APRT: variants seen among roughly 807,000 people sequenced by gnomAD.
The protein encoded by APRT is adenine phosphoribosyltransferase.
APRT carries 25 observed loss-of-function variants against 21.0 expected under a neutral mutation model. That is an observed-to-expected ratio of 1.19 (90% CI 0.87 to 1.66). APRT has a LOEUF of 1.66. Among genes scored for constraint, APRT ranks in the 40% most tolerant of loss-of-function variants. APRT has a pLI of 0.00. For synonymous variants in APRT, 153 were observed against 109.0 expected, an observed-to-expected ratio of 1.40 and a Z score of -2.52; for missense variants, 294 against 232.7, an observed-to-expected ratio of 1.26 and a Z score of -1.72.
In APRT at chr16:88,809,819, T is replaced by G; in HGVS notation, c.422A>C (p.Glu141Ala). 6.2e-7 allele frequency: 1 copy of G among 1,612,546 alleles called. No homozygotes were observed. The highest frequency in any genetic ancestry group is 8.5e-7 in the Non-Finnish European group (1 of 1,179,938). The change falls in exon 5 of 5, where the codon GAG becomes GCG. Residue 141 changes from glutamate (E) to alanine (A), a missense_variant. Physicochemically the swap from Glu to Ala is moderately radical, Grantham distance 107. Transcript: ENST00000378364. The part of the protein sequence containing the change: ...ATGGTMNAAC[E>A]LLGRLQAEVL... ...CTCAGCCTGCAGGCGGCCCAGCAGC[T>G]CACAGGCAGCGTTCATGGTTCCTGG...
At position 88,809,702 on chromosome 16, in the gene APRT, T is replaced by A; in HGVS notation, c.539A>T (p.Glu180Val). 1.1e-5 allele frequency: 17 copies of A among 1,613,372 alleles called. No homozygotes were observed. Among genetic ancestry groups the A allele is most frequent in the Non-Finnish European group, 1.4e-5 (17 of 1,179,984 alleles). The change falls in exon 5 of 5, where the codon GAG becomes GTG. Residue 180 changes from glutamate to valine, a missense_variant. Physicochemically the swap from Glu to Val is moderately radical, Grantham distance 121. Coordinates refer to ENST00000378364, the MANE Select transcript of APRT (RefSeq NM_000485.3). ...PVPFFSLLQYE is the reference protein window; with the variant it reads ...PVPFFSLLQYV Reference sequence around the variant, plus strand: ...TTGGGCTGGGAGGCCCTGTGGTCACTCATACTGCAGGAGAGAGAAGAAGGG... The same window carrying A: ...TTGGGCTGGGAGGCCCTGTGGTCACACATACTGCAGGAGAGAGAAGAAGGG...
At position 88,809,345 on chromosome 16, in the gene APRT, A is replaced by G. The variant is rs2142949955; in HGVS notation, c.*353T>C. The G allele has an allele frequency of 1.1e-5, 5 of 455,294 alleles. No individual in the cohort carries two copies. Among genetic ancestry groups the G allele is most frequent in the South Asian group, 5.0e-5 (3 of 59,950 alleles). 28.2% of individuals were successfully genotyped at this position (455,294 alleles called of 1,614,324 possible). On this transcript the variant is annotated 3_prime_UTR_variant, in exon 5 of 5. Transcript: ENST00000378364. ...AGTGCCTGGAGGGTTCTAGCTCCTG[A>G]GGTGAGAACCAGGACAGGTTCTGCT...
chr16:88,810,154 G>T lies in APRT; in HGVS notation c.322-6C>A, dbSNP rs200019656. ...TTCTGAATCTCCAGCTCAGCCTGGA[G>T]TGGGAAGTGGTGTGTGGTCCTCAGC... On this transcript the variant is annotated splice_polypyrimidine_tract_variant and splice_region_variant and intron_variant, in intron 3 of 4. Coordinates refer to ENST00000378364, the MANE Select transcript of APRT (RefSeq NM_000485.3). The T allele has an allele frequency of 1.9e-6, 3 of 1,612,526 alleles. No individual in the cohort carries two copies. In the African/African-American group the frequency reaches 4.0e-5, roughly 21 times the overall value.
chr16:88,811,901 G>C lies in APRT; in HGVS notation c.-2C>G. The C allele has an allele frequency of 6.5e-7, 1 of 1,548,584 alleles. No homozygotes were observed. The highest frequency in any genetic ancestry group is 8.7e-7 in the Non-Finnish European group (1 of 1,149,410). ...CAGCTGCAGCTCGGAGTCGGCCATG[G>C]CCGCGTGCGAAGAGCCAGCGGCAGC... On this transcript the variant is annotated 5_prime_UTR_variant, in exon 1 of 5. Transcript: ENST00000378364.
rs1182857791 is a variant in APRT, at chr16:88,810,512, C to T, written c.232G>A (p.Glu78Lys). 12 of 1,612,186 alleles carry T rather than the reference C, an allele frequency of 7.4e-6. No homozygotes were observed. Among genetic ancestry groups the T allele is most frequent in the Non-Finnish European group, 1.0e-5 (12 of 1,179,932 alleles). ...ATGAGCACGCAGCCCAGTCCAAGCTCCTGGGCCAGGGAGGGGCCAAAGAGG... is the reference window on the plus strand; with the variant it reads ...ATGAGCACGCAGCCCAGTCCAAGCTTCTGGGCCAGGGAGGGGCCAAAGAGG... ...GFLFGPSLAQELGLGCVLIRK... is the reference protein window; with the variant it reads ...GFLFGPSLAQKLGLGCVLIRK... The change falls in exon 3 of 5, where the codon GAG becomes AAG. Residue 78 changes from glutamate to lysine, a missense_variant. Physicochemically the swap from Glu to Lys is moderately conservative, Grantham distance 56. Coordinates refer to ENST00000378364, the MANE Select transcript of APRT (RefSeq NM_000485.3).
rs553748192 is a variant in APRT at position 88,809,999 on chromosome 16, C to T, written c.400+71G>A. Reference sequence around the variant, plus strand: ...CAACAGTAAGCTGCATCCCATGTCACACAGCGAGGTCCTGTCCCACTCCCA... The same window carrying T: ...CAACAGTAAGCTGCATCCCATGTCATACAGCGAGGTCCTGTCCCACTCCCA... On this transcript the variant is annotated intron_variant, in intron 4 of 4. Transcript: ENST00000378364. The T allele has an allele frequency of 6.8e-4, 1,069 of 1,580,330 alleles. 2 individuals carry two copies. The highest frequency in any genetic ancestry group is 4.5e-4 in the Non-Finnish European group (517 of 1,153,910).
chr16:88,809,487 C>T lies in APRT; in HGVS notation c.*211G>A. The T allele has an allele frequency of 1.3e-6, 1 of 783,076 alleles. No individual in the cohort carries two copies. The allele number at this position is 783,076 out of a possible 1,614,324, so 48.5% of individuals were successfully genotyped here. ...ACGGCTCTTGTGGGAAAGCTGTTTA[C>T]TGCGTTCTCCCGCTGTGTGTAATTG... is the stretch of plus-strand genomic sequence containing the variant. On this transcript the variant is annotated 3_prime_UTR_variant, in exon 5 of 5. Transcript: ENST00000378364.
At chr16:88,810,233 T>C in intron 3 of APRT, 85 bp from the exon 4 acceptor site, 2 of 1,535,504 alleles carry the variant, frequency 1.3e-6, no homozygotes, top group Middle Eastern at 1.7e-4. Context: ...CCCTAGACCC[T>C]GACTCCAACC....
At chr16:88,810,400 T>C (rs1318151607) in intron 3 of APRT, 23 bp downstream of exon 3, 1 of 1,610,342 alleles carries the variant, frequency 6.2e-7, no homozygotes, top group Non-Finnish European at 8.5e-7. Context: ...CTGCCCTTCC[T>C]CTGGCCACCC....
chr16:88,811,795 C>T (rs1490878019), intron 1 of APRT, 25 bp downstream of exon 1: 2 of 1,543,392 alleles, frequency 1.3e-6, no homozygotes, highest in African/African-American at 1.4e-5. Context: ...GGTCGGGGCG[C>T]CACGAGGGCG....
In APRT at chr16:88,810,420, T is replaced by C. The variant is rs1227207984; in HGVS notation, c.321+3A>G. On this transcript the variant is annotated splice_donor_region_variant and intron_variant, in intron 3 of 4. Transcript: ENST00000378364. ...CTTCCTCTGGCCACCCCAGCCCTCT[T>C]ACCTTCCCGTACTCCAGGGAATAGG... 2.5e-6 allele frequency: 4 copies of C among 1,611,720 alleles called. No homozygotes were observed. The highest frequency in any genetic ancestry group is 2.5e-6 in the Non-Finnish European group (3 of 1,179,990).
At chr16:88,811,703 G>A in intron 1 of APRT, 47 bp from the exon 2 acceptor site, 1 of 1,510,040 alleles carries the variant, frequency 6.6e-7, no homozygotes, top group Non-Finnish European at 8.9e-7. Flanking sequence ...AAGGAGGGCA[G>A]GGCCCCGGGG....
intron 4 of APRT, 88 bp from the exon 5 acceptor site, chr16:88,809,928 C>A: frequency 1.9e-6 from 3 of 1,583,002 alleles, no homozygotes; most frequent in Non-Finnish European, 2.6e-6. Context: ...GAGGGGAAGG[C>A]ATGGGGAGAG....
At chr16:88,811,744 C>G (rs566831825) in intron 1 of APRT, 76 bp downstream of exon 1, 2 of 1,502,770 alleles carry the variant, frequency 1.3e-6, no homozygotes, top group East Asian at 2.6e-5. Context: ...CCCCGCCCGC[C>G]CGGAGGTCGC....
intron 4 of APRT, 88 bp downstream of exon 4, chr16:88,809,982 A>C: frequency 6.4e-7 from 1 of 1,567,320 alleles, no homozygotes; most frequent in Non-Finnish European, 8.7e-7. Flanking sequence ...GACAACAGTA[A>C]GCTGCATCCC....
At position 88,809,699 on chromosome 16, in the gene APRT, C is replaced by G. The variant is rs387906584; in HGVS notation, c.542G>C (p.Ter181SerextTer?). Residue 181 changes from the stop codon to serine, a stop_lost, in exon 5 of 5, where the codon TGA becomes TCA. Coordinates refer to ENST00000378364, the MANE Select transcript of APRT (RefSeq NM_000485.3). ...VPFFSLLQYE[*>S] The stretch of plus-strand genomic sequence containing the variant: ...ATGTTGGGCTGGGAGGCCCTGTGGT[C>G]ACTCATACTGCAGGAGAGAGAAGAA... 6.2e-7 allele frequency: 1 copy of G among 1,613,196 alleles called. No homozygotes were observed. Among genetic ancestry groups the G allele is most frequent in the East Asian group, 2.2e-5 (1 of 44,892 alleles).
At chr16:88,810,269 G>C (rs866519045) in intron 3 of APRT, 121 bp from the exon 4 acceptor site, 98 of 1,481,390 alleles carry the variant, frequency 6.6e-5, no homozygotes, top group Non-Finnish European at 8.9e-5. Flanking sequence ...CTGGCTGTGT[G>C]AGCCCAGCCT....
chr16:88,811,829 A>T lies in APRT; in HGVS notation c.71T>A (p.Val24Glu). ...CGGCCTGTGCGTGCACCTGAATACC[A>T]CGCCTGGGGTGGGGAAGTCGGGGAA... is the stretch of plus-strand genomic sequence containing the variant. ...RSFPDFPTPG[V>E]VFRDISPVLK... The change falls in exon 1 of 5, where the codon GTG (valine) becomes GAG (glutamate). Residue 24 changes from valine (V) to glutamate (E), a missense_variant. Coordinates refer to ENST00000378364, the MANE Select transcript of APRT (RefSeq NM_000485.3). 6.4e-7 allele frequency: 1 copy of T among 1,569,512 alleles called. No homozygotes were observed. Among genetic ancestry groups the T allele is most frequent in the Non-Finnish European group, 8.6e-7 (1 of 1,159,314 alleles).
intron 2 of APRT, 90 bp from the exon 3 acceptor site, chr16:88,810,646 C>G: frequency 6.7e-7 from 1 of 1,503,522 alleles, no homozygotes; most frequent in Non-Finnish European, 9.0e-7. Flanking sequence ...TGGTTGGCTC[C>G]CAGCTGAAAG....
Sources: allele counts gnomAD v4.1 joint callset, GRCh38; gene constraint gnomAD v4.1.1; transcripts MANE v1.5; gene names NCBI Gene and HGNC (gene_info 2026-07-23, HGNC 2026-07-21).